Variants in SNTG1 observed in about 807,000 individuals in gnomAD.
SNTG1 encodes gamma-1-syntrophin.
SNTG1 carries 39 observed loss-of-function variants against 74.7 expected under a neutral mutation model. The ratio of observed to expected loss-of-function variants is 0.52; its 90% CI spans 0.40 to 0.68. The LOEUF is 0.68. Among genes scored for constraint, SNTG1 ranks in the 30% least tolerant of loss-of-function variants. The probability of loss-of-function intolerance (pLI) is 0.00; values close to 1 mark genes in which losing one functional copy is unlikely to be tolerated. For synonymous variants in SNTG1, 254 were observed against 217.1 expected (o/e 1.17, Z -1.49); for missense variants, 685 against 609.5 (o/e 1.12, Z -1.30).
rs538646414 is a variant in SNTG1 at position 50,540,968 on chromosome 8, A to G, written c.680+4160A>G. ...CAATATTCTTTGTTGTTTTTAATCC[A>G]AAGTAACAAACTTGGTCATTAATTC... On this transcript the variant is annotated intron_variant, in intron 11 of 18. Transcript: ENST00000642720. Among the ~76,000 whole-genome samples, 16 of 152,110 alleles carry G rather than the reference A, an allele frequency of 1.1e-4. No homozygotes were observed. The East Asian group carries it at 3.1e-3, about 29-fold the overall frequency.
chr8:50,553,055 A>G lies in SNTG1; in HGVS notation c.686A>G (p.Asn229Ser). Residue 229 changes from asparagine (N) to serine (S), a missense_variant, in exon 12 of 19, where the codon AAT (asparagine) becomes AGT (serine). Coordinates refer to ENST00000642720, the MANE Select transcript of SNTG1 (RefSeq NM_018967.5). ...TTTGTTCTGAACATCTGCAGGCAGA[A>G]TGCCTTTCAAGTCATTGCTGTGGAT... ...YVPGTDLSRQ[N>S]AFQVIAVDGV... 1 of 1,613,842 alleles carries G rather than the reference A, an allele frequency of 6.2e-7. No individual in the cohort carries two copies. Among genetic ancestry groups the G allele is most frequent in the South Asian group, 1.1e-5 (1 of 91,074 alleles).
chr8:50,461,855 A>T (rs2093566047), intron 8 of SNTG1, among the ~76,000 whole-genome samples: 1 of 152,076 alleles, frequency 6.6e-6, no homozygotes, highest in African/African-American at 2.4e-5. Context: ...GCTTGCCTTT[A>T]TTAGAGAATG....
chr8:50,180,125 C>T (rs2083148314), intron 2 of SNTG1, among the ~76,000 whole-genome samples: 1 of 152,134 alleles, frequency 6.6e-6, no homozygotes. Flanking sequence ...CTGACATTTG[C>T]AACAACATTG....
At chr8:50,069,826 C>T (rs566159909) in intron 1 of SNTG1, among the ~76,000 whole-genome samples, 1 of 151,906 alleles carries the variant, frequency 6.6e-6, no homozygotes, top group African/African-American at 2.4e-5. Context: ...CTGCTGGGTT[C>T]ACTAAGGGCT....
intron 18 of SNTG1, among the ~76,000 whole-genome samples, chr8:50,758,166 C>G (rs1204432711): frequency 2.0e-5 from 3 of 151,748 alleles, no homozygotes; most frequent in Admixed American, 6.6e-5. Flanking sequence ...TCTATTTTAT[C>G]TATTAAAGCT....
intron 18 of SNTG1, among the ~76,000 whole-genome samples, chr8:50,771,887 C>T (rs2095628117): frequency 6.6e-6 from 1 of 152,072 alleles, no homozygotes; most frequent in African/African-American, 2.4e-5. Context: ...AGCAGTAAGC[C>T]TTGGCATCCA....
At chr8:50,722,363 C>T (rs1437391925) in intron 17 of SNTG1, among the ~76,000 whole-genome samples, 12 of 151,804 alleles carry the variant, frequency 7.9e-5, no homozygotes, top group Middle Eastern at 3.4e-3. Flanking sequence ...TTAATAGAGA[C>T]GGGGTTTTTA....
intron 18 of SNTG1, among the ~76,000 whole-genome samples, chr8:50,779,747 A>G (rs1369701405): frequency 1.5e-5 from 2 of 134,828 alleles, no homozygotes; most frequent in Non-Finnish European, 3.1e-5. Flanking sequence ...TATGTTGAAT[A>G]GGAGTGGTGA....
intron 8 of SNTG1, among the ~76,000 whole-genome samples, chr8:50,476,282 T>C (rs771643970): frequency 6.6e-6 from 1 of 152,208 alleles, no homozygotes; most frequent in African/African-American, 2.4e-5. Flanking sequence ...TAGTTACATA[T>C]GTACAGGAAA....
intron 12 of SNTG1, among the ~76,000 whole-genome samples, chr8:50,564,089 A>G (rs1210191879): frequency 1.3e-5 from 2 of 151,588 alleles, no homozygotes; most frequent in African/African-American, 4.9e-5. Context: ...CCTCCAGCAT[A>G]CAAATACAAG....
intron 2 of SNTG1, among the ~76,000 whole-genome samples, chr8:50,311,212 C>T (rs546536780): frequency 1.3e-5 from 2 of 152,302 alleles, no homozygotes; most frequent in African/African-American, 4.8e-5. Flanking sequence ...TCATCCCATT[C>T]ATCTCACATA....
chr8:50,321,047 C>T (rs1442527678), intron 2 of SNTG1, among the ~76,000 whole-genome samples: 7 of 151,894 alleles, frequency 4.6e-5, no homozygotes, highest in Admixed American at 4.6e-4. Flanking sequence ...ACATATAGGT[C>T]CTTTTGATTT....
At chr8:50,734,802 TATATAG>T (rs2095522402) in intron 17 of SNTG1, among the ~76,000 whole-genome samples, 1 of 87,844 alleles carries the variant, frequency 1.1e-5, no homozygotes, top group African/African-American at 6.4e-5. Flanking sequence ...TATGGACATA[TATATAG>T]ATATCTATAT....
rs2091085413 is a variant in SNTG1, at chr8:50,334,752, TA to T, written c.-27-59459del. On this transcript the variant is annotated intron_variant, in intron 2 of 18. Coordinates refer to ENST00000642720, the MANE Select transcript of SNTG1 (RefSeq NM_018967.5). ...ATAATAAAGAAAAATGAGCTTTCCT[TA>T]TAAGATTGTGTGGATTAAATGGGAT... is the stretch of plus-strand genomic sequence containing the variant. 2.6e-5 allele frequency among the ~76,000 whole-genome samples: 4 copies of T among 152,264 alleles called. No individual in the cohort carries two copies. In the South Asian group the frequency reaches 8.3e-4, roughly 32 times the overall value.
At position 50,594,985 on chromosome 8, in the gene SNTG1, T is replaced by C. The variant is rs10110901; in HGVS notation, c.849+4068T>C. On this transcript the variant is annotated intron_variant, in intron 13 of 18. Coordinates refer to ENST00000642720, the MANE Select transcript of SNTG1 (RefSeq NM_018967.5). ...CTAAAATTTATAATCTAATCAGTTGTATATTTAATTCATGAAATTTTAGCT... is the reference window on the plus strand; with the variant it reads ...CTAAAATTTATAATCTAATCAGTTGCATATTTAATTCATGAAATTTTAGCT... 6.1e-3 allele frequency among the ~76,000 whole-genome samples: 924 copies of C among 151,670 alleles called. 12 individuals carry two copies. Among genetic ancestry groups the C allele is most frequent in the African/African-American group, 0.021 (880 of 41,374 alleles).
At chr8:50,790,008 CTG>C (rs2095686499) in intron 18 of SNTG1, among the ~76,000 whole-genome samples, 1 of 151,966 alleles carries the variant, frequency 6.6e-6, no homozygotes, top group African/African-American at 2.4e-5. Flanking sequence ...ATTCTTGTGT[CTG>C]GAATATTTCC....
chr8:50,400,216 C>G (rs562777152), intron 3 of SNTG1, among the ~76,000 whole-genome samples: 18 of 152,282 alleles, frequency 1.2e-4, no homozygotes, highest in African/African-American at 4.1e-4. Context: ...TAGCATGCTC[C>G]TTAAATCTAA....
intron 13 of SNTG1, among the ~76,000 whole-genome samples, chr8:50,617,599 C>A (rs28716162): frequency 0.024 from 3,662 of 152,168 alleles, 155 homozygotes; most frequent in African/African-American, 0.082. Context: ...GGGGTGTATT[C>A]GGCCTGGGGC....
chr8:49,947,305 A>G (rs183372533), intron 1 of SNTG1, among the ~76,000 whole-genome samples: 67 of 152,326 alleles, frequency 4.4e-4, no homozygotes, highest in African/African-American at 1.6e-3. Context: ...CGTCTCAAAA[A>G]AAAAGAGTAA....
Sources: allele counts gnomAD v4.1 joint callset (sites outside exome capture counted in the v4.1 genomes callset), GRCh38; gene constraint gnomAD v4.1.1; transcripts MANE v1.5; gene names NCBI Gene and HGNC (gene_info 2026-07-23, HGNC 2026-07-21).